The following FTO variants were observed in gnomAD, a reference collection of about 807,000 sequenced individuals.
FTO encodes the protein alpha-ketoglutarate-dependent dioxygenase FTO.
FTO carries 47 observed loss-of-function variants against 63.9 expected under a neutral mutation model. The ratio of observed to expected loss-of-function variants is 0.74; its 90% CI spans 0.58 to 0.94. FTO has a LOEUF of 0.94. Among genes scored for constraint, FTO ranks in the 40% least tolerant of loss-of-function variants. FTO has a pLI of 0.00. For missense variants in FTO, 562 were observed against 618.1 expected, an observed-to-expected ratio of 0.91 and a Z score of 0.96; for synonymous variants, 207 against 224.4, an observed-to-expected ratio of 0.92 and a Z score of 0.69.
intron 4 of FTO, among the ~76,000 whole-genome samples, chr16:53,855,607 A>C (rs965738681): frequency 1.1e-4 from 17 of 151,938 alleles, no homozygotes; most frequent in African/African-American, 4.1e-4. Flanking sequence ...TATTAATTCT[A>C]TCCTTGAAAG....
Position 54,121,515 on chromosome 16 carries a change from T to A in FTO, c.*9600T>A, listed in dbSNP as rs1274384209. On this transcript the variant is annotated 3_prime_UTR_variant, in exon 9 of 9. Transcript: ENST00000471389. ...CTTCCCACGGGGATGGAGAGCCACC[T>A]CCTCCCCGGCTTTCTGGTTCAGATG... The A allele has an allele frequency of 6.6e-6, 1 of 152,138 alleles. No homozygotes were observed. The highest frequency in any genetic ancestry group is 1.9e-4 in the East Asian group (1 of 5,194). The allele number at this position is 152,138 out of a possible 1,614,324, so 9.4% of individuals were successfully genotyped here.
intron 4 of FTO, among the ~76,000 whole-genome samples, chr16:53,861,485 G>C (rs187855693): frequency 6.6e-6 from 1 of 152,014 alleles, no homozygotes; most frequent in East Asian, 1.9e-4. Flanking sequence ...TTGGCTGATC[G>C]TATTTTGCTC....
At chr16:53,886,418 C>A (rs2080997998) in intron 6 of FTO, among the ~76,000 whole-genome samples, 1 of 152,156 alleles carries the variant, frequency 6.6e-6, no homozygotes, top group African/African-American at 2.4e-5. Flanking sequence ...ATAGTGTGAA[C>A]AAATTTTATG....
Position 54,108,997 on chromosome 16 carries a change from C to A in FTO, c.1365-2765C>A, listed in dbSNP as rs546080242. 2.6e-5 allele frequency among the ~76,000 whole-genome samples: 4 copies of A among 152,168 alleles called. 1 individual carries two copies. The highest frequency in any genetic ancestry group is 2.6e-4 in the Admixed American group (4 of 15,280). The stretch of plus-strand genomic sequence containing the variant: ...AGATGTGCCTTCCAGTAATTCCCAA[C>A]CTTCTCTTTATCAGTTCCATAGTCT... On this transcript the variant is annotated intron_variant, in intron 8 of 8. Transcript: ENST00000471389.
chr16:53,873,855 G>T lies in FTO; in HGVS notation c.965G>T (p.Arg322Leu). ...GSQPRFSSTH[R>L]VAECSTGTLD... ...CAACCTCGGTTTAGTTCCACCCACCGAGTGGCAGAGGTAAGTGTAAATAAA... is the reference window on the plus strand; with the variant it reads ...CAACCTCGGTTTAGTTCCACCCACCTAGTGGCAGAGGTAAGTGTAAATAAA... The change falls in exon 5 of 9, where the codon CGA (arginine) becomes CTA (leucine). Residue 322 changes from arginine to leucine, a missense_variant. By Grantham distance (102) the Arg-to-Leu change is moderately radical. Coordinates refer to ENST00000471389, the MANE Select transcript of FTO (RefSeq NM_001080432.3). The T allele has an allele frequency of 6.2e-7, 1 of 1,611,938 alleles. No homozygotes were observed. Among genetic ancestry groups the T allele is most frequent in the Non-Finnish European group, 8.5e-7 (1 of 1,178,324 alleles).
chr16:54,007,556 T>C (rs2084238705), intron 8 of FTO, among the ~76,000 whole-genome samples: 1 of 152,240 alleles, frequency 6.6e-6, no homozygotes. Context: ...TTGCTATCAT[T>C]AGTTACTGTT....
chr16:53,924,510 G>T (rs1166159607), intron 7 of FTO, among the ~76,000 whole-genome samples: 1 of 151,864 alleles, frequency 6.6e-6, no homozygotes, highest in Non-Finnish European at 1.5e-5. Flanking sequence ...ATGAAAGCCT[G>T]CTTTGTTGGC....
In FTO at chr16:54,121,837, A is replaced by C. The variant is rs2087008718; in HGVS notation, c.*9922A>C. The stretch of plus-strand genomic sequence containing the variant: ...CACAGCGGCTTCATACTCTGTGCTT[A>C]TTACCCAGAAGCCCCGGCTCTTAGA... On this transcript the variant is annotated 3_prime_UTR_variant, in exon 9 of 9. Transcript: ENST00000471389. The C allele has an allele frequency of 6.6e-6, 1 of 152,176 alleles. No homozygotes were observed. Among genetic ancestry groups the C allele is most frequent in the Non-Finnish European group, 1.5e-5 (1 of 68,026 alleles). 9.4% of individuals were successfully genotyped at this position (152,176 alleles called of 1,614,324 possible). A position where few individuals can be genotyped will look rare whatever the true frequency, so the allele number is the denominator to read the frequency against.
intron 4 of FTO, among the ~76,000 whole-genome samples, chr16:53,863,591 C>CA (rs1481406932): frequency 6.6e-6 from 1 of 152,186 alleles, no homozygotes; most frequent in African/African-American, 2.4e-5. Flanking sequence ...GCCTGGTACT[C>CA]AGAGTCATGG....
chr16:53,819,351 T>A (rs1017177534), intron 2 of FTO, among the ~76,000 whole-genome samples: 3 of 152,090 alleles, frequency 2.0e-5, no homozygotes, highest in Admixed American at 6.5e-5. Flanking sequence ...TTTGTATTGT[T>A]AGTAGAGAGG....
chr16:53,704,285 G>A (rs1971830880), intron 1 of FTO, 56 bp downstream of exon 1: 1 of 1,518,358 alleles, frequency 6.6e-7, no homozygotes, highest in Non-Finnish European at 9.0e-7. Context: ...AAGGATCAGG[G>A]AACCGGAAGG....
At chr16:53,819,703 T>C (rs9927824) in intron 2 of FTO, among the ~76,000 whole-genome samples, 4,011 of 152,320 alleles carry the variant, frequency 0.026, 177 homozygotes, top group African/African-American at 0.091. Context: ...AAAAAGTTTA[T>C]TGATTAACTG....
At chr16:53,748,579 T>C (rs950005754) in intron 1 of FTO, among the ~76,000 whole-genome samples, 1 of 151,778 alleles carries the variant, frequency 6.6e-6, no homozygotes, top group East Asian at 1.9e-4. Context: ...CTCAGCCTCC[T>C]GAGTAGCTGG....
At chr16:54,013,355 GT>G (rs34823984) in intron 8 of FTO, 114,566 of 138,774 alleles carry the variant, frequency 0.83, 46,925 homozygotes, top group Admixed American at 0.87. Flanking sequence ...TCAGCAAAGT[GT>G]TTTTTTTTTT....
intron 1 of FTO, among the ~76,000 whole-genome samples, chr16:53,787,758 CATT>C (rs2077789639): frequency 6.6e-6 from 1 of 152,086 alleles, no homozygotes. Flanking sequence ...GGCCAAATGA[CATT>C]ATAGTTAAAT....
At chr16:53,823,990 G>A (rs2078937747) in intron 2 of FTO, among the ~76,000 whole-genome samples, 1 of 152,132 alleles carries the variant, frequency 6.6e-6, no homozygotes, top group African/African-American at 2.4e-5. Flanking sequence ...TATTTCATCT[G>A]TCCACTTATC....
chr16:54,107,258 A>AT (rs532231488), intron 8 of FTO, among the ~76,000 whole-genome samples: 217 of 152,122 alleles, frequency 1.4e-3, no homozygotes, highest in Non-Finnish European at 2.8e-3. Flanking sequence ...AAAAAATGGG[A>AT]TTTTTCCTTA....
In FTO at chr16:53,879,414, A is replaced by T. The variant is rs56270990; in HGVS notation, c.976-430A>T. 1.6e-4 allele frequency among the ~76,000 whole-genome samples: 24 copies of T among 152,192 alleles called. 1 individual carries two copies. Among genetic ancestry groups the T allele is most frequent in the Admixed American group, 1.2e-3 (18 of 15,270 alleles). On this transcript the variant is annotated intron_variant, in intron 5 of 8. Coordinates refer to ENST00000471389, the MANE Select transcript of FTO (RefSeq NM_001080432.3). ...GTATAGGCCGGGCACAGTGACTCAC[A>T]CCTGTAATCCCAGCACTTTTGGAGG... is the stretch of plus-strand genomic sequence containing the variant.
chr16:53,750,910 GA>G (rs1210647236), intron 1 of FTO, among the ~76,000 whole-genome samples: 2 of 152,208 alleles, frequency 1.3e-5, no homozygotes, highest in African/African-American at 4.8e-5. Flanking sequence ...AACAAATTAC[GA>G]AGGTTGTAGG....
Sources: allele counts gnomAD v4.1 joint callset (sites outside exome capture counted in the v4.1 genomes callset), GRCh38; gene constraint gnomAD v4.1.1; transcripts MANE v1.5; gene names NCBI Gene and HGNC (gene_info 2026-07-23, HGNC 2026-07-21).